Variants in PPP1R9A observed in about 807,000 individuals in gnomAD.
PPP1R9A encodes the protein neurabin-1.
A neutral mutation model predicts 141.9 loss-of-function variants in PPP1R9A; 59 were observed. That is an observed-to-expected ratio of 0.42 (90% CI 0.34 to 0.52). The LOEUF (loss-of-function observed/expected upper bound fraction) is 0.52. Among genes scored for constraint, PPP1R9A ranks in the 20% least tolerant of loss-of-function variants. PPP1R9A has a pLI of 0.10. For missense variants in PPP1R9A, 1,444 were observed against 1,611.9 expected, an observed-to-expected ratio of 0.90 and a Z score of 1.78; for synonymous variants, 500 against 569.7, an observed-to-expected ratio of 0.88 and a Z score of 1.74.
At chr7:95,209,676 G>T (rs1055952557) in intron 7 of PPP1R9A, among the ~76,000 whole-genome samples, 4 of 152,126 alleles carry the variant, frequency 2.6e-5, no homozygotes, top group Non-Finnish European at 5.9e-5. Context: ...AATGACATTT[G>T]TGTTGGTTTT....
At chr7:95,072,814 T>C (rs1356784890) in intron 2 of PPP1R9A, among the ~76,000 whole-genome samples, 64 of 69,858 alleles carry the variant, frequency 9.2e-4, no homozygotes, top group African/African-American at 3.8e-3. Flanking sequence ...TTATTATATA[T>C]AATAATTATT....
chr7:95,072,267 A>G (rs1484281185), intron 2 of PPP1R9A, among the ~76,000 whole-genome samples: 1 of 144,938 alleles, frequency 6.9e-6, no homozygotes, highest in East Asian at 2.0e-4. Flanking sequence ...ATATTATATA[A>G]TAATATATAA....
At chr7:94,925,663 A>C (rs116979850) in intron 2 of PPP1R9A, among the ~76,000 whole-genome samples, 5,396 of 152,036 alleles carry the variant, frequency 0.035, 105 homozygotes, top group Non-Finnish European at 0.057. Context: ...GAGGGCAGGG[A>C]ATTTGTTTTA....
intron 2 of PPP1R9A, among the ~76,000 whole-genome samples, chr7:95,040,814 T>G (rs1212649835): frequency 6.6e-6 from 1 of 152,072 alleles, no homozygotes; most frequent in Non-Finnish European, 1.5e-5. Context: ...TCTGTTGAAT[T>G]TTTTCCCCAA....
intron 2 of PPP1R9A, among the ~76,000 whole-genome samples, chr7:94,927,046 A>G (rs1423912699): frequency 6.6e-6 from 1 of 152,168 alleles, no homozygotes; most frequent in Non-Finnish European, 1.5e-5. Context: ...TGTTCATGCA[A>G]ATTTGTTTAT....
chr7:95,289,030 A>G (rs753609765), intron 19 of PPP1R9A, among the ~76,000 whole-genome samples: 11 of 152,158 alleles, frequency 7.2e-5, no homozygotes, highest in Non-Finnish European at 1.2e-4. Context: ...AATAATGGCC[A>G]CTGTGGACTT....
chr7:95,072,827 A>ATATATTATATATAAT (rs1814129258), intron 2 of PPP1R9A, among the ~76,000 whole-genome samples: 1 of 65,432 alleles, frequency 1.5e-5, no homozygotes, highest in Non-Finnish European at 2.5e-5. Flanking sequence ...TAATTATTAT[A>ATATATTATATATAAT]TATATAATAA....
chr7:95,010,869 T>C (rs554647230), intron 2 of PPP1R9A, among the ~76,000 whole-genome samples: 1 of 152,202 alleles, frequency 6.6e-6, no homozygotes, highest in Non-Finnish European at 1.5e-5. Context: ...AGTATTCTTA[T>C]ATTGATGTTC....
chr7:95,202,628 C>CG (rs911290236), intron 6 of PPP1R9A: 18 of 900,518 alleles, frequency 2.0e-5, no homozygotes, highest in Non-Finnish European at 2.4e-5. Context: ...TCATGACACT[C>CG]GGGGGGTATG....
chr7:94,958,858 G>A (rs1014237944), intron 2 of PPP1R9A, among the ~76,000 whole-genome samples: 1 of 151,904 alleles, frequency 6.6e-6, no homozygotes, highest in African/African-American at 2.4e-5. Flanking sequence ...ATTTCCCTAA[G>A]AGCTTTTATG....
At chr7:95,166,291 T>C (rs985534226) in intron 5 of PPP1R9A, among the ~76,000 whole-genome samples, 6 of 152,164 alleles carry the variant, frequency 3.9e-5, no homozygotes, top group African/African-American at 9.7e-5. Context: ...TTTCTAGCCA[T>C]TGTTGAAAGT....
chr7:94,945,709 T>C (rs542213762), intron 2 of PPP1R9A, among the ~76,000 whole-genome samples: 2 of 152,210 alleles, frequency 1.3e-5, no homozygotes, highest in East Asian at 3.9e-4. Flanking sequence ...AAACTTGTTT[T>C]GCTAAAACAA....
At chr7:95,023,970 G>A (rs958745309) in intron 2 of PPP1R9A, among the ~76,000 whole-genome samples, 1 of 152,194 alleles carries the variant, frequency 6.6e-6, no homozygotes, top group African/African-American at 2.4e-5. Context: ...GTGTCCCAGA[G>A]ATTCTGGTAT....
At chr7:95,061,896 A>G (rs991703982) in intron 2 of PPP1R9A, among the ~76,000 whole-genome samples, 1 of 152,212 alleles carries the variant, frequency 6.6e-6, no homozygotes, top group Non-Finnish European at 1.5e-5. Context: ...AAAGTGAGAT[A>G]TTAGGCTAAT....
chr7:95,091,225 C>G (rs1005565461), intron 2 of PPP1R9A, among the ~76,000 whole-genome samples: 11 of 151,444 alleles, frequency 7.3e-5, no homozygotes, highest in African/African-American at 2.7e-4. Flanking sequence ...TCTGTTAGGT[C>G]AGCTTATACT....
At chr7:95,059,172 A>AT (rs1276947495) in intron 2 of PPP1R9A, among the ~76,000 whole-genome samples, 2 of 151,874 alleles carry the variant, frequency 1.3e-5, no homozygotes, top group Non-Finnish European at 2.9e-5. Context: ...CATGCTAACT[A>AT]TTTTTCACTA....
Position 94,910,355 on chromosome 7 carries a change from C to T in PPP1R9A, c.242C>T (p.Ala81Val). Residue 81 changes from alanine to valine, a missense_variant, in exon 2 of 20, where the codon GCT (alanine) becomes GTT (valine). By Grantham distance (64) the Ala-to-Val change is moderately conservative. This residue lies in a region of PPP1R9A where 490 missense variants were observed against 521.1 expected (regional missense o/e 0.94). Coordinates refer to ENST00000433360, the MANE Select transcript of PPP1R9A (RefSeq NM_001166160.2). This position sits in a 1 kb window ranked among gnomAD's most constrained non-coding sequence, Gnocchi z 4.5. ...MQMGMEPNEN[A>V]AVIAKTRGKG... Reference sequence around the variant, plus strand: ...ATGGGTATGGAACCCAACGAGAATGCTGCAGTCATTGCCAAAACAAGGGGG... The same window carrying T: ...ATGGGTATGGAACCCAACGAGAATGTTGCAGTCATTGCCAAAACAAGGGGG... The T allele has an allele frequency of 5.0e-6, 8 of 1,614,096 alleles. No homozygotes were observed. Among genetic ancestry groups the T allele is most frequent in the Non-Finnish European group, 6.8e-6 (8 of 1,180,022 alleles).
chr7:94,966,856 T>C (rs538602139), intron 2 of PPP1R9A, among the ~76,000 whole-genome samples: 4 of 152,194 alleles, frequency 2.6e-5, no homozygotes, highest in Non-Finnish European at 4.4e-5. Flanking sequence ...GAGTCCCTCT[T>C]TTTCTGTTGT....
At chr7:95,006,854 G>A (rs1240183111) in intron 2 of PPP1R9A, among the ~76,000 whole-genome samples, 1 of 151,462 alleles carries the variant, frequency 6.6e-6, no homozygotes, top group African/African-American at 2.4e-5. Context: ...TCATTGAATG[G>A]CCATAATAAT....
Sources: gnomAD v4.1 joint callset for allele counts (sites outside exome capture counted in the v4.1 genomes callset) on GRCh38, gnomAD v4.1.1 for gene constraint, gnomAD v4.1.1 regional missense constraint, Gnocchi (gnomAD v3.1) non-coding constraint, MANE v1.5 for transcripts, NCBI Gene and HGNC (gene_info 2026-07-23, HGNC 2026-07-21) for gene names.